The following SNTG1 variants were observed in gnomAD, a reference collection of about 807,000 sequenced individuals.
SNTG1 encodes syntrophin gamma 1.
In SNTG1, 39 loss-of-function variants were observed where a neutral mutation model predicts 74.7. The observed-to-expected ratio is 0.52, with a 90% confidence interval of 0.40 to 0.68. The LOEUF is 0.68. SNTG1 is among the 30% of genes least tolerant of loss of function. The pLI is 0.00. For missense variants in SNTG1, 685 were observed against 609.5 expected (o/e 1.12, Z -1.30); for synonymous variants, 254 against 217.1 (o/e 1.17, Z -1.49).
At chr8:50,197,859 T>A (rs1172996521) in intron 2 of SNTG1, among the ~76,000 whole-genome samples, 1 of 152,154 alleles carries the variant, frequency 6.6e-6, no homozygotes, top group African/African-American at 2.4e-5. Flanking sequence ...TTTACTGGCA[T>A]ATTTATTATA....
intron 2 of SNTG1, among the ~76,000 whole-genome samples, chr8:50,377,283 T>G (rs1209675255): frequency 6.6e-6 from 1 of 152,126 alleles, no homozygotes; most frequent in Non-Finnish European, 1.5e-5. Context: ...GACATGAATA[T>G]TTATACCCAT....
rs747219223 is a variant in SNTG1, at chr8:50,708,892, A to C, written c.1198A>C (p.Thr400Pro). The change falls in exon 17 of 19, where the codon ACC becomes CCC. Residue 400 changes from threonine (T) to proline (P), a missense_variant. Physicochemically the swap from Thr to Pro is conservative, Grantham distance 38. Transcript: ENST00000642720. ...TACTTTCTGTTCTACCTAGTGCAAG[A>C]CCTATGCATGTGTGCTAGAAAGTCA... ...FLEVERIQCK[T>P]YACVLESHLM... 2 of 1,611,314 alleles carry C rather than the reference A, an allele frequency of 1.2e-6. No individual in the cohort carries two copies. Among genetic ancestry groups the C allele is most frequent in the South Asian group, 2.2e-5 (2 of 91,008 alleles).
rs530364449 is a variant in SNTG1, at chr8:50,496,185, G to C, written c.364-6593G>C. ...AAGAAAATAATTTACTATGTCAAGT[G>C]GGATGAGTCCAATATCTAAGTGACC... On this transcript the variant is annotated intron_variant, in intron 8 of 18. Transcript: ENST00000642720. 9.0e-4 allele frequency among the ~76,000 whole-genome samples: 137 copies of C among 152,252 alleles called. 4 individuals are homozygous for C. The South Asian group carries it at 0.028, about 31-fold the overall frequency.
chr8:50,145,758 T>G lies in SNTG1; in HGVS notation c.-102-26803T>G, dbSNP rs562927656. On this transcript the variant is annotated intron_variant, in intron 1 of 18. Transcript: ENST00000642720. ...CCTTATTGTCAAAAGCACTTTTTAT[T>G]TTTATGTTCATCTATTTTAGAAAGT... Among the ~76,000 whole-genome samples, 4 of 152,282 alleles carry G rather than the reference T, an allele frequency of 2.6e-5. No individual in the cohort carries two copies. The South Asian group carries it at 8.3e-4, about 32-fold the overall frequency.
At chr8:50,027,970 G>A (rs1817409934) in intron 1 of SNTG1, among the ~76,000 whole-genome samples, 1 of 152,114 alleles carries the variant, frequency 6.6e-6, no homozygotes, top group African/African-American at 2.4e-5. Context: ...TTTCCCAGTG[G>A]TTACATTTTA....
chr8:50,140,748 C>T (rs959626574), intron 1 of SNTG1, among the ~76,000 whole-genome samples: 2 of 152,142 alleles, frequency 1.3e-5, no homozygotes, highest in African/African-American at 2.4e-5. Context: ...CATATTTTGA[C>T]ATATCTATCT....
At chr8:50,117,320 C>T (rs1187820088) in intron 1 of SNTG1, among the ~76,000 whole-genome samples, 1 of 151,856 alleles carries the variant, frequency 6.6e-6, no homozygotes, top group East Asian at 1.9e-4. Flanking sequence ...TCCAGCATAT[C>T]AAAAAATAAA....
At chr8:50,007,338 C>A (rs1037905067) in intron 1 of SNTG1, among the ~76,000 whole-genome samples, 6 of 151,986 alleles carry the variant, frequency 3.9e-5, no homozygotes, top group African/African-American at 1.4e-4. Flanking sequence ...CAGAACTCTC[C>A]TTGGGTCGTC....
At chr8:50,203,023 A>G (rs79015276) in intron 2 of SNTG1, among the ~76,000 whole-genome samples, 2,286 of 151,834 alleles carry the variant, frequency 0.015, 50 homozygotes, top group African/African-American at 0.049. Flanking sequence ...AACTGTCCCA[A>G]AGTTCTTGGG....
At chr8:49,953,717 A>T (rs757455901) in intron 1 of SNTG1, among the ~76,000 whole-genome samples, 2 of 152,186 alleles carry the variant, frequency 1.3e-5, no homozygotes, top group Admixed American at 6.5e-5. Context: ...TCATAACCCT[A>T]TTCAGGCATT....
chr8:50,781,337 C>A (rs2095658782), intron 18 of SNTG1, among the ~76,000 whole-genome samples: 1 of 152,088 alleles, frequency 6.6e-6, no homozygotes, highest in Non-Finnish European at 1.5e-5. Context: ...GTGTGGGAGT[C>A]TAAGTCTCTT....
chr8:50,667,064 A>G (rs1033298040), intron 15 of SNTG1, among the ~76,000 whole-genome samples: 7 of 151,938 alleles, frequency 4.6e-5, no homozygotes, highest in African/African-American at 1.7e-4. Flanking sequence ...AGCAAAATAA[A>G]TCAATATACA....
Position 49,916,848 on chromosome 8 carries a change from A to C in SNTG1, c.-103+4617A>C, listed in dbSNP as rs148316370. Among the ~76,000 whole-genome samples, 734 of 142,954 alleles carry C rather than the reference A, an allele frequency of 5.1e-3. 2 individuals carry two copies. The highest frequency in any genetic ancestry group is 8.9e-3 in the Non-Finnish European group (582 of 65,546). 93.8% of individuals were successfully genotyped at this position (142,954 alleles called of 152,430 possible). A position where few individuals can be genotyped will look rare whatever the true frequency, so the allele number is the denominator to read the frequency against. ...CAGTGAGACCTCGTTTCTTCAATAG[A>C]AAAAAAAAACATAAAAAATAAAAAA... On this transcript the variant is annotated intron_variant, in intron 1 of 18. Transcript: ENST00000642720.
intron 17 of SNTG1, among the ~76,000 whole-genome samples, chr8:50,730,309 G>C (rs2095509945): frequency 6.6e-6 from 1 of 152,184 alleles, no homozygotes; most frequent in South Asian, 2.1e-4. Flanking sequence ...GCATTAATTA[G>C]TGTGAAAAAG....
intron 1 of SNTG1, among the ~76,000 whole-genome samples, chr8:50,089,670 T>C (rs1395503796): frequency 1.3e-5 from 2 of 152,218 alleles, no homozygotes; most frequent in African/African-American, 4.8e-5. Flanking sequence ...TCATCATCAC[T>C]GGCCATCAGA....
intron 1 of SNTG1, among the ~76,000 whole-genome samples, chr8:50,090,158 A>G (rs555393136): frequency 1.3e-5 from 2 of 152,334 alleles, no homozygotes; most frequent in African/African-American, 2.4e-5. Context: ...CTTAAATATT[A>G]TAAAATCTTT....
intron 18 of SNTG1, among the ~76,000 whole-genome samples, chr8:50,753,875 T>A (rs1363294329): frequency 2.0e-5 from 3 of 151,942 alleles, no homozygotes; most frequent in Non-Finnish European, 4.4e-5. Context: ...TCTCCCTTTA[T>A]AAAATAAAAG....
chr8:50,731,352 C>T (rs903888437), intron 17 of SNTG1, among the ~76,000 whole-genome samples: 2 of 151,972 alleles, frequency 1.3e-5, no homozygotes, highest in African/African-American at 4.8e-5. Flanking sequence ...TGAACTTTAC[C>T]AGTATGAGAA....
At chr8:50,076,654 A>G (rs1821924877) in intron 1 of SNTG1, among the ~76,000 whole-genome samples, 1 of 152,078 alleles carries the variant, frequency 6.6e-6, no homozygotes, top group Non-Finnish European at 1.5e-5. Context: ...CTTGGTTTTT[A>G]TCTTATATAT....
Sources: allele counts gnomAD v4.1 joint callset (sites outside exome capture counted in the v4.1 genomes callset), GRCh38; gene constraint gnomAD v4.1.1; transcripts MANE v1.5; gene names NCBI Gene and HGNC (gene_info 2026-07-23, HGNC 2026-07-21).